Variants in ADCYAP1R1 observed in about 807,000 individuals in gnomAD.
ADCYAP1R1 encodes the protein ADCYAP receptor type I, also known as pituitary adenylate cyclase-activating polypeptide type I receptor.
ADCYAP1R1 carries 44 observed loss-of-function variants against 67.6 expected under a neutral mutation model. The ratio of observed to expected loss-of-function variants is 0.65; its 90% CI spans 0.51 to 0.84. The LOEUF is 0.84. ADCYAP1R1 is among the 40% of genes least tolerant of loss of function. The probability of loss-of-function intolerance (pLI) is 0.00; values close to 1 mark genes in which losing one functional copy is unlikely to be tolerated. For synonymous variants in ADCYAP1R1, 222 were observed against 219.6 expected, an observed-to-expected ratio of 1.01 and a Z score of -0.10; for missense variants, 477 against 587.9, an observed-to-expected ratio of 0.81 and a Z score of 1.95.
chr7:31,063,290 TG>T lies in ADCYAP1R1; in HGVS notation c.28del (p.Ala10LeufsTer35), dbSNP rs1012385764. 1 of 1,614,200 alleles carries T rather than the reference TG, an allele frequency of 6.2e-7. No homozygotes were observed. The highest frequency in any genetic ancestry group is 1.3e-5 in the African/African-American group (1 of 75,050). On this transcript the variant is annotated frameshift_variant, in exon 2 of 16. Coordinates refer to ENST00000304166, the MANE Select transcript of ADCYAP1R1 (RefSeq NM_001118.5). LOFTEE classifies it high-confidence loss of function. MAGVVHVSLAALLLLPMAP... is the reference protein window; with the variant it reads MAGVVHVSXAALLLLPMAP... ...ATGGCTGGTGTCGTGCACGTTTCCC[TG>T]GCTGCTCTCCTCCTGCTGCCTATGG... is the stretch of plus-strand genomic sequence containing the variant.
intron 2 of ADCYAP1R1, among the ~76,000 whole-genome samples, chr7:31,063,896 T>C (rs1584480320): frequency 6.6e-6 from 1 of 152,264 alleles, no homozygotes; most frequent in African/African-American, 2.4e-5. Context: ...TGCACATCTG[T>C]GAATAGTAGG....
chr7:31,071,404 C>A (rs1794973753), intron 3 of ADCYAP1R1, among the ~76,000 whole-genome samples: 1 of 152,148 alleles, frequency 6.6e-6, no homozygotes, highest in South Asian at 2.1e-4. Context: ...CCCCATGTCC[C>A]CCAGTGGGGG....
chr7:31,060,501 GGT>G (rs61249603), intron 1 of ADCYAP1R1, among the ~76,000 whole-genome samples: 35 of 148,904 alleles, frequency 2.4e-4, no homozygotes, highest in South Asian at 4.2e-4. Flanking sequence ...GTGTGTGTGT[GGT>G]GTGTGTGTGT....
rs185418011 is a variant in ADCYAP1R1, at chr7:31,062,294, G to T, written c.-71-900G>T. On this transcript the variant is annotated intron_variant, in intron 1 of 15. Transcript: ENST00000304166. ...CCTGTCTCTCTGGTCCCCACCAGTG[G>T]CCCCAGTCCTTGCAGGCCTGCCCCC... is the stretch of plus-strand genomic sequence containing the variant. 1.4e-4 allele frequency among the ~76,000 whole-genome samples: 21 copies of T among 152,216 alleles called. No individual in the cohort carries two copies. The East Asian group carries it at 3.9e-3, about 28-fold the overall frequency.
Position 31,084,846 on chromosome 7 carries a change from A to G in ADCYAP1R1, c.536+12A>G, listed in dbSNP as rs1477604459. ...CTTTGTCGCTTCCGGTGAGACCCTC[A>G]GCAACATTCAAGCAAGCACCAGAGC... is the stretch of plus-strand genomic sequence containing the variant. On this transcript the variant is annotated intron_variant, in intron 8 of 15. Transcript: ENST00000304166. 10 of 1,612,224 alleles carry G rather than the reference A, an allele frequency of 6.2e-6. No homozygotes were observed. Among genetic ancestry groups the G allele is most frequent in the Non-Finnish European group, 7.6e-6 (9 of 1,178,398 alleles).
Position 31,086,383 on chromosome 7 carries a change from G to T in ADCYAP1R1, c.670-1G>T. The T allele has an allele frequency of 6.2e-7, 1 of 1,613,878 alleles. No individual in the cohort carries two copies. The highest frequency in any genetic ancestry group is 8.5e-7 in the Non-Finnish European group (1 of 1,179,974). The stretch of plus-strand genomic sequence containing the variant: ...CCTCACCCTGGCGCTTCTCCCTGCA[G>T]GTGGAATGTAAGGCCGTCATGGTTT... On this transcript the variant is annotated splice_acceptor_variant, in intron 9 of 15. Coordinates refer to ENST00000304166, the MANE Select transcript of ADCYAP1R1 (RefSeq NM_001118.5). LOFTEE classifies it high-confidence loss of function. This position sits in a 1 kb window ranked among gnomAD's most constrained non-coding sequence, Gnocchi z 5.0.
Position 31,110,001 on chromosome 7 carries a change from G to A in ADCYAP1R1, c.*3317G>A, listed in dbSNP as rs1351179067. 1 of 152,100 alleles carries A rather than the reference G, an allele frequency of 6.6e-6. No individual in the cohort carries two copies. The highest frequency in any genetic ancestry group is 6.6e-5 in the Admixed American group (1 of 15,264). The allele number at this position is 152,100 out of a possible 1,614,324, so 9.4% of individuals were successfully genotyped here. On this transcript the variant is annotated 3_prime_UTR_variant, in exon 16 of 16. Transcript: ENST00000304166. ...CAAGCTGGGTTCTTTGTGGAAGAAG[G>A]ACAGGGAGCTAGAGCCAAGCCCTAG...
intron 4 of ADCYAP1R1, 32 bp from the exon 5 acceptor site, chr7:31,080,580 AC>A (rs1795474817): frequency 1.2e-6 from 2 of 1,610,610 alleles, no homozygotes; most frequent in Admixed American, 1.7e-5. Flanking sequence ...CTCACCTCTG[AC>A]TTTTCTCTCT....
chr7:31,078,637 C>T (rs1219778912), intron 4 of ADCYAP1R1, among the ~76,000 whole-genome samples: 4 of 152,208 alleles, frequency 2.6e-5, no homozygotes, highest in East Asian at 1.9e-4. Context: ...AAGACACCCA[C>T]GTCCACATGC....
chr7:31,107,462 A>T lies in ADCYAP1R1; in HGVS notation c.*778A>T, dbSNP rs893213667. The T allele has an allele frequency of 3.9e-5, 6 of 152,190 alleles. No homozygotes were observed. The highest frequency in any genetic ancestry group is 1.4e-4 in the African/African-American group (6 of 41,434). 9.4% of individuals were successfully genotyped at this position (152,190 alleles called of 1,614,324 possible). ...GAAAGAGACGGAGTTTGGGAGACCC[A>T]TGGAAGAAAACCTTCGCCATCTCCA... is the stretch of plus-strand genomic sequence containing the variant. On this transcript the variant is annotated 3_prime_UTR_variant, in exon 16 of 16. Coordinates refer to ENST00000304166, the MANE Select transcript of ADCYAP1R1 (RefSeq NM_001118.5).
intron 13 of ADCYAP1R1, 118 bp from the exon 14 acceptor site, chr7:31,103,119 G>A: frequency 2.1e-6 from 3 of 1,417,524 alleles, no homozygotes; most frequent in Non-Finnish European, 2.9e-6. Flanking sequence ...GGGGTCTGTG[G>A]ACACGGGCCC....
chr7:31,099,945 T>A (rs1396811451), intron 13 of ADCYAP1R1, among the ~76,000 whole-genome samples: 2 of 152,216 alleles, frequency 1.3e-5, no homozygotes, highest in African/African-American at 4.8e-5. Flanking sequence ...TGTCCACGTA[T>A]AGGCGTGCGT....
chr7:31,065,775 A>C (rs1020331952), intron 3 of ADCYAP1R1, among the ~76,000 whole-genome samples: 3 of 152,166 alleles, frequency 2.0e-5, no homozygotes, highest in Non-Finnish European at 4.4e-5. Context: ...TTAATCGTTG[A>C]AGGACTGGCT....
intron 3 of ADCYAP1R1, 71 bp from the exon 4 acceptor site, chr7:31,077,920 G>C: frequency 1.0e-6 from 1 of 977,072 alleles, no homozygotes; most frequent in African/African-American, 1.6e-5. Context: ...TGGTGTGTGT[G>C]ATGTGTGTGG....
Position 31,110,082 on chromosome 7 carries a change from C to T in ADCYAP1R1, c.*3398C>T, listed in dbSNP as rs970102861. 3 of 151,654 alleles carry T rather than the reference C, an allele frequency of 2.0e-5. No individual in the cohort carries two copies. The highest frequency in any genetic ancestry group is 7.3e-5 in the African/African-American group (3 of 41,262). The allele number at this position is 151,654 out of a possible 1,614,324, so 9.4% of individuals were successfully genotyped here. A position where few individuals can be genotyped will look rare whatever the true frequency, so the allele number is the denominator to read the frequency against. On this transcript the variant is annotated 3_prime_UTR_variant, in exon 16 of 16. Transcript: ENST00000304166. Reference sequence around the variant, plus strand: ...GCCAAGGATGCCCACTCACCTCTCTCATCTGATCCTCACTCTTTGTGGAAG... The same window carrying T: ...GCCAAGGATGCCCACTCACCTCTCTTATCTGATCCTCACTCTTTGTGGAAG...
intron 3 of ADCYAP1R1, among the ~76,000 whole-genome samples, chr7:31,076,279 G>C (rs1795210756): frequency 1.3e-5 from 2 of 152,202 alleles, no homozygotes; most frequent in Non-Finnish European, 2.9e-5. Context: ...ATTTGGCAGT[G>C]AAGAGGTCGC....
intron 6 of ADCYAP1R1, 121 bp from the exon 7 acceptor site, chr7:31,084,020 A>G (rs1795629905): frequency 2.6e-6 from 2 of 760,782 alleles, no homozygotes; most frequent in South Asian, 3.4e-5. Flanking sequence ...ACCTTTCCCC[A>G]TGCTTCCCAG....
intron 13 of ADCYAP1R1, 124 bp from the exon 14 acceptor site, chr7:31,103,113 T>C: frequency 7.4e-7 from 1 of 1,348,110 alleles, no homozygotes; most frequent in South Asian, 1.4e-5. Context: ...TGCTGAGGGG[T>C]CTGTGGACAC....
chr7:31,079,636 G>A (rs924780295), intron 4 of ADCYAP1R1, among the ~76,000 whole-genome samples: 17 of 152,354 alleles, frequency 1.1e-4, no homozygotes, highest in African/African-American at 3.8e-4. Context: ...GGAGGGGCTT[G>A]CAGGAGGTGG....
Sources: allele counts gnomAD v4.1 joint callset (sites outside exome capture counted in the v4.1 genomes callset), GRCh38; gene constraint gnomAD v4.1.1; non-coding constraint Gnocchi (gnomAD v3.1); transcripts MANE v1.5; gene names NCBI Gene and HGNC (gene_info 2026-07-23, HGNC 2026-07-21).